COA1: variants seen among roughly 807,000 people sequenced by gnomAD.
COA1 encodes the protein cytochrome c oxidase assembly factor 1, also known as cytochrome c oxidase assembly factor 1 homolog.
COA1 carries 13 observed loss-of-function variants against 16.0 expected under a neutral mutation model. The ratio of observed to expected loss-of-function variants is 0.81; its 90% CI spans 0.53 to 1.29. COA1 has a LOEUF of 1.29. Ranked by LOEUF, COA1 falls within the 50% of genes most tolerant of loss-of-function variation. COA1 has a pLI of 0.00. For missense variants in COA1, 179 were observed against 177.0 expected (o/e 1.01, Z -0.06); for synonymous variants, 65 against 65.7 (o/e 0.99, Z 0.05).
At chr7:43,620,724 T>G (rs1197943920) in intron 6 of COA1, among the ~76,000 whole-genome samples, 1 of 151,590 alleles carries the variant, frequency 6.6e-6, no homozygotes. Context: ...GTGAAATAGC[T>G]CTTTGTAATT....
At chr7:43,693,820 G>C (rs1325571825) in intron 1 of COA1, among the ~76,000 whole-genome samples, 3 of 151,944 alleles carry the variant, frequency 2.0e-5, no homozygotes, top group Non-Finnish European at 4.4e-5. Context: ...AATTTGGCTG[G>C]AGGAAAAAAA....
At chr7:43,653,191 A>T (rs891484170) in intron 1 of COA1, among the ~76,000 whole-genome samples, 1 of 152,024 alleles carries the variant, frequency 6.6e-6, no homozygotes, top group Admixed American at 6.5e-5. Context: ...GGGCACCCGT[A>T]GTCCCAGCTA....
At chr7:43,716,197 G>A (rs1172920008) in intron 1 of COA1, among the ~76,000 whole-genome samples, 1 of 152,192 alleles carries the variant, frequency 6.6e-6, no homozygotes, top group Non-Finnish European at 1.5e-5. Context: ...AGTGACTTTG[G>A]AAGTGAGTAA....
At chr7:43,665,630 A>T (rs903417201) in intron 1 of COA1, 3 of 152,282 alleles carry the variant, frequency 2.0e-5, no homozygotes, top group African/African-American at 7.2e-5. Flanking sequence ...CTGAATAATT[A>T]TAAACAAATG....
intron 1 of COA1, among the ~76,000 whole-genome samples, chr7:43,716,267 T>G (rs538098094): frequency 6.6e-6 from 1 of 152,144 alleles, no homozygotes; most frequent in Non-Finnish European, 1.5e-5. Flanking sequence ...GTGGGAAGGT[T>G]TGGAACTTCC....
At chr7:43,641,181 G>C (rs1310723905) in intron 4 of COA1, 1 of 152,024 alleles carries the variant, frequency 6.6e-6, no homozygotes, top group East Asian at 1.9e-4. Flanking sequence ...CATTGGGTAG[G>C]GCACGAGGGA....
chr7:43,723,367 G>A (rs777077813), intron 1 of COA1, among the ~76,000 whole-genome samples: 11 of 152,158 alleles, frequency 7.2e-5, no homozygotes, highest in South Asian at 2.1e-4. Flanking sequence ...TGATACAGTC[G>A]TAAAAGAGAA....
In COA1 at chr7:43,725,162, C is replaced by T. The variant is rs563014883; in HGVS notation, c.-39+4267G>A. The stretch of plus-strand genomic sequence containing the variant: ...CTGAGGCAGGAGAATCACTTGAACC[C>T]GGGAGGTGGGGGTTGCGGTAAGCTG... On this transcript the variant is annotated intron_variant, in intron 1 of 5. Transcript: ENST00000223336. Among the ~76,000 whole-genome samples the T allele has an allele frequency of 3.6e-4, 54 of 151,664 alleles. 1 individual carries two copies. The highest frequency in any genetic ancestry group is 1.2e-3 in the African/African-American group (51 of 41,332).
intron 1 of COA1, among the ~76,000 whole-genome samples, chr7:43,663,984 A>T (rs2092682899): frequency 6.6e-6 from 1 of 152,096 alleles, no homozygotes; most frequent in Admixed American, 6.6e-5. Context: ...TAAGCCCAGG[A>T]GTCAGAGGCT....
chr7:43,685,323 C>T (rs1242430745), intron 1 of COA1, among the ~76,000 whole-genome samples: 1 of 152,174 alleles, frequency 6.6e-6, no homozygotes, highest in Non-Finnish European at 1.5e-5. Context: ...CTTGACTTCT[C>T]ACCATCATCT....
At chr7:43,726,074 C>T (rs918231688) in intron 1 of COA1, among the ~76,000 whole-genome samples, 1 of 152,142 alleles carries the variant, frequency 6.6e-6, no homozygotes, top group African/African-American at 2.4e-5. Flanking sequence ...AAAGTACCTA[C>T]TATTTGGTGA....
At chr7:43,648,746 T>C in intron 1 of COA1, 94 bp from the exon 2 acceptor site, 1 of 846,806 alleles carries the variant, frequency 1.2e-6, no homozygotes. Context: ...AACCCAAGCT[T>C]TAGAACACGA....
intron 1 of COA1, among the ~76,000 whole-genome samples, chr7:43,709,278 G>A (rs184735850): frequency 9.3e-4 from 141 of 151,778 alleles, no homozygotes; most frequent in Admixed American, 2.4e-3. Context: ...CACCTGCCTC[G>A]GCCTCCCAAA....
At chr7:43,646,714 G>T in intron 3 of COA1, 1 of 430,658 alleles carries the variant, frequency 2.3e-6, no homozygotes. Context: ...ATCATTCCTG[G>T]GAACGCTCAT....
At chr7:43,693,278 T>C (rs2131093528) in intron 1 of COA1, among the ~76,000 whole-genome samples, 1 of 152,258 alleles carries the variant, frequency 6.6e-6, no homozygotes, top group African/African-American at 2.4e-5. Flanking sequence ...CCATCCCTAA[T>C]CCACCTTGTG....
At chr7:43,689,276 T>C (rs1246126455) in intron 1 of COA1, among the ~76,000 whole-genome samples, 1 of 152,202 alleles carries the variant, frequency 6.6e-6, no homozygotes, top group Non-Finnish European at 1.5e-5. Context: ...CAGGCTCATA[T>C]AGGCTGTATT....
chr7:43,640,773 GTTCTT>G, intron 4 of COA1, 124 bp from the exon 5 acceptor site: 3 of 674,364 alleles, frequency 4.4e-6, no homozygotes, highest in Non-Finnish European at 7.2e-6. Flanking sequence ...ACAGAAGTGA[GTTCTT>G]TTCTAACAGC....
At chr7:43,669,892 G>A (rs1282893154) in intron 1 of COA1, among the ~76,000 whole-genome samples, 2 of 152,088 alleles carry the variant, frequency 1.3e-5, no homozygotes, top group Admixed American at 1.3e-4. Context: ...TGAGAGAGGT[G>A]CTCAGTGACT....
chr7:43,648,967 C>A (rs556969113), intron 1 of COA1: 28 of 235,708 alleles, frequency 1.2e-4, no homozygotes, highest in African/African-American at 6.0e-4. Flanking sequence ...AAACACAGGG[C>A]CAATCAACAG....
Sources: allele counts gnomAD v4.1 joint callset (sites outside exome capture counted in the v4.1 genomes callset), GRCh38; gene constraint gnomAD v4.1.1; transcripts MANE v1.5; gene names NCBI Gene and HGNC (gene_info 2026-07-23, HGNC 2026-07-21).